Variants in GABRG3 observed in about 807,000 individuals in gnomAD.
GABRG3 encodes the protein gamma-aminobutyric acid receptor subunit gamma-3.
A neutral mutation model predicts 48.8 loss-of-function variants in GABRG3; 25 were observed. The ratio of observed to expected loss-of-function variants is 0.51; its 90% CI spans 0.37 to 0.72. The LOEUF is 0.72. GABRG3 is among the 30% of genes least tolerant of loss of function. GABRG3 has a pLI of 0.00. For missense variants in GABRG3, 394 were observed against 577.9 expected, an observed-to-expected ratio of 0.68 and a Z score of 3.26; for synonymous variants, 227 against 217.6, an observed-to-expected ratio of 1.04 and a Z score of -0.38.
At chr15:27,392,344 T>A (rs1052474530) in intron 5 of GABRG3, among the ~76,000 whole-genome samples, 4 of 152,346 alleles carry the variant, frequency 2.6e-5, no homozygotes, top group African/African-American at 9.6e-5. Context: ...ACTTACATTG[T>A]TTTTGATGAC....
Position 27,307,856 on chromosome 15 carries a change from TATAA to T in GABRG3, c.271-18949_271-18946del, listed in dbSNP as rs1164048070. On this transcript the variant is annotated intron_variant, in intron 3 of 9. Transcript: ENST00000615808. The stretch of plus-strand genomic sequence containing the variant: ...CATATATAAAATAAACATGTTTATA[TATAA>T]ATATATATAAATGTATATGTTTATA... 2.3e-5 allele frequency among the ~76,000 whole-genome samples: 3 copies of T among 129,092 alleles called. No individual in the cohort carries two copies. In the South Asian group the frequency reaches 7.1e-4, roughly 30 times the overall value. 84.7% of individuals were successfully genotyped at this position (129,092 alleles called of 152,430 possible). A position where few individuals can be genotyped will look rare whatever the true frequency, so the allele number is the denominator to read the frequency against.
At chr15:27,353,318 G>A (rs1894694828) in intron 5 of GABRG3, among the ~76,000 whole-genome samples, 1 of 152,110 alleles carries the variant, frequency 6.6e-6, no homozygotes, top group African/African-American at 2.4e-5. Flanking sequence ...CAGGGCGCAT[G>A]TGTGTCCTAC....
rs1891505060 is a variant in GABRG3 at position 27,534,478 on chromosome 15, A to G, written c.*1597A>G. The G allele has an allele frequency of 6.6e-6, 1 of 152,248 alleles. No homozygotes were observed. Among genetic ancestry groups the G allele is most frequent in the Non-Finnish European group, 1.5e-5 (1 of 68,040 alleles). The allele number at this position is 152,248 out of a possible 1,614,324, so 9.4% of individuals were successfully genotyped here. ...AGGCAAAACACAAGTCCTACCAGTT[A>G]GTTAATAATGCTTTGGCATTGTTAA... On this transcript the variant is annotated 3_prime_UTR_variant, in exon 10 of 10. Coordinates refer to ENST00000615808, the MANE Select transcript of GABRG3 (RefSeq NM_033223.5).
intron 3 of GABRG3, among the ~76,000 whole-genome samples, chr15:27,220,835 G>A (rs1417850135): frequency 6.6e-6 from 1 of 152,110 alleles, no homozygotes; most frequent in Non-Finnish European, 1.5e-5. Context: ...TGCCGAGGGT[G>A]GGGTGGCAGG....
At chr15:27,433,487 G>C (rs955819617) in intron 5 of GABRG3, among the ~76,000 whole-genome samples, 1 of 152,138 alleles carries the variant, frequency 6.6e-6, no homozygotes, top group Non-Finnish European at 1.5e-5. Context: ...TCAGAGTTCC[G>C]AAAAGGTTGA....
At chr15:27,379,568 CT>C (rs1895702826) in intron 5 of GABRG3, among the ~76,000 whole-genome samples, 1 of 152,206 alleles carries the variant, frequency 6.6e-6, no homozygotes, top group Non-Finnish European at 1.5e-5. Flanking sequence ...CATTTTCCGT[CT>C]TTCTGAATAG....
chr15:27,060,926 GT>G (rs977764332), intron 3 of GABRG3, among the ~76,000 whole-genome samples: 10 of 152,048 alleles, frequency 6.6e-5, no homozygotes, highest in African/African-American at 1.4e-4. Flanking sequence ...GGTCTCTGAG[GT>G]TTTTTTGGAA....
At chr15:27,063,630 A>T (rs1420635104) in intron 3 of GABRG3, among the ~76,000 whole-genome samples, 1 of 152,222 alleles carries the variant, frequency 6.6e-6, no homozygotes, top group Non-Finnish European at 1.5e-5. Context: ...CAGAACTGTG[A>T]GCAGTTAAAC....
At chr15:27,515,030 G>C (rs1377007995) in intron 6 of GABRG3, among the ~76,000 whole-genome samples, 1 of 152,024 alleles carries the variant, frequency 6.6e-6, no homozygotes, top group Non-Finnish European at 1.5e-5. Context: ...TAAAATAAAA[G>C]GTTGATAAAT....
intron 5 of GABRG3, among the ~76,000 whole-genome samples, chr15:27,398,582 GGT>G (rs1235323497): frequency 6.6e-6 from 1 of 151,836 alleles, no homozygotes; most frequent in Non-Finnish European, 1.5e-5. Context: ...CTACCAATGT[GGT>G]ATAGTGGAAG....
chr15:27,002,765 G>GA (rs58498121), intron 2 of GABRG3, among the ~76,000 whole-genome samples: 1 of 59,448 alleles, frequency 1.7e-5, no homozygotes, highest in African/African-American at 6.2e-5. Flanking sequence ...AAAAAAAAAG[G>GA]AAGGAAGGAA....
At chr15:27,454,678 C>A (rs1285413090) in intron 5 of GABRG3, among the ~76,000 whole-genome samples, 1 of 152,160 alleles carries the variant, frequency 6.6e-6, no homozygotes, top group South Asian at 2.1e-4. Context: ...AACAGTAAGG[C>A]CACAGAAACA....
intron 3 of GABRG3, among the ~76,000 whole-genome samples, chr15:27,047,442 G>A (rs908506530): frequency 1.3e-5 from 2 of 152,288 alleles, no homozygotes; most frequent in Admixed American, 6.5e-5. Flanking sequence ...GAGCCCTGAC[G>A]TCATATCATA....
intron 3 of GABRG3, among the ~76,000 whole-genome samples, chr15:27,113,392 T>A (rs1897588172): frequency 6.6e-6 from 1 of 152,200 alleles, no homozygotes; most frequent in Admixed American, 6.5e-5. Flanking sequence ...GATAGCCATG[T>A]ATGTGACAAG....
At chr15:27,183,721 T>C (rs908892625) in intron 3 of GABRG3, among the ~76,000 whole-genome samples, 4 of 152,232 alleles carry the variant, frequency 2.6e-5, no homozygotes, top group African/African-American at 9.7e-5. Flanking sequence ...TTTCCCTCTG[T>C]TACTCATCCA....
At chr15:27,266,612 T>C (rs564816052) in intron 3 of GABRG3, among the ~76,000 whole-genome samples, 171 of 152,340 alleles carry the variant, frequency 1.1e-3, no homozygotes, top group Non-Finnish European at 2.1e-3. Flanking sequence ...GCATCAAATC[T>C]ATCATTTGGG....
intron 3 of GABRG3, among the ~76,000 whole-genome samples, chr15:27,222,270 G>A (rs1330476942): frequency 6.6e-6 from 1 of 152,300 alleles, no homozygotes; most frequent in East Asian, 1.9e-4. Flanking sequence ...ATCATTTACT[G>A]GCAATGCCAT....
chr15:27,245,338 G>C (rs8030723), intron 3 of GABRG3, among the ~76,000 whole-genome samples: 34,847 of 152,016 alleles, frequency 0.23, 5,362 homozygotes, highest in East Asian at 0.52. Flanking sequence ...GGGCAGTGTG[G>C]ATTTGATGAA....
chr15:27,256,455 A>AG (rs1203942262), intron 3 of GABRG3, among the ~76,000 whole-genome samples: 2 of 140,670 alleles, frequency 1.4e-5, no homozygotes, highest in Admixed American at 7.0e-5. Flanking sequence ...AAAAAAAAAA[A>AG]GAAAACAAAC....
Sources: gnomAD v4.1 joint callset for allele counts (sites outside exome capture counted in the v4.1 genomes callset) on GRCh38, gnomAD v4.1.1 for gene constraint, MANE v1.5 for transcripts, NCBI Gene and HGNC (gene_info 2026-07-23, HGNC 2026-07-21) for gene names.